Variants in KCNU1 observed in about 807,000 individuals in gnomAD.
KCNU1 encodes potassium channel subfamily U member 1.
KCNU1 carries 93 observed loss-of-function variants against 126.8 expected under a neutral mutation model. That is an observed-to-expected ratio of 0.73 (90% CI 0.62 to 0.87). KCNU1 has a LOEUF of 0.87. Ranked by LOEUF, KCNU1 falls within the 40% of genes least tolerant of loss-of-function variation. The pLI, the probability that KCNU1 is intolerant of heterozygous loss-of-function variation, is 0.00. For missense variants in KCNU1, 1,330 were observed against 1,367.1 expected (o/e 0.97, Z 0.43); for synonymous variants, 523 against 494.2 (o/e 1.06, Z -0.77).
intron 18 of KCNU1, among the ~76,000 whole-genome samples, chr8:36,859,215 A>C (rs747607412): frequency 6.6e-6 from 1 of 152,228 alleles, no homozygotes; most frequent in Non-Finnish European, 1.5e-5. Context: ...TTTAAATGTC[A>C]TGATAACATA....
intron 26 of KCNU1, among the ~76,000 whole-genome samples, chr8:36,934,235 A>G (rs964815380): frequency 1.3e-5 from 2 of 152,144 alleles, no homozygotes; most frequent in Non-Finnish European, 2.9e-5. Flanking sequence ...TCATAGCAAT[A>G]CGTCTGAATG....
chr8:36,924,652 G>T (rs1377196499), intron 24 of KCNU1, among the ~76,000 whole-genome samples: 1 of 152,176 alleles, frequency 6.6e-6, no homozygotes, highest in African/African-American at 2.4e-5. Context: ...TTCTGAGAAG[G>T]TGGCTCTGTC....
intron 18 of KCNU1, among the ~76,000 whole-genome samples, chr8:36,851,492 C>T (rs986689056): frequency 1.2e-4 from 18 of 152,016 alleles, no homozygotes; most frequent in African/African-American, 2.7e-4. Flanking sequence ...TGAGACCTCC[C>T]GAGCCATGCA....
chr8:36,830,860 A>G (rs1804515995), intron 10 of KCNU1, among the ~76,000 whole-genome samples: 1 of 148,756 alleles, frequency 6.7e-6, no homozygotes, highest in East Asian at 2.1e-4. Flanking sequence ...TGCACCCACT[A>G]ACTCGTCATC....
At chr8:36,894,602 AAC>A (rs1807108650) in intron 19 of KCNU1, among the ~76,000 whole-genome samples, 4 of 152,158 alleles carry the variant, frequency 2.6e-5, no homozygotes, top group Admixed American at 6.6e-5. Flanking sequence ...TTAATATGTT[AAC>A]ATATGTTACT....
At chr8:36,885,175 AC>A (rs1418326497) in intron 19 of KCNU1, among the ~76,000 whole-genome samples, 1 of 152,158 alleles carries the variant, frequency 6.6e-6, no homozygotes, top group Non-Finnish European at 1.5e-5. Flanking sequence ...CAGAAATCCT[AC>A]CAGGCTCTAG....
At chr8:36,795,006 G>C (rs1407794766) in intron 2 of KCNU1, among the ~76,000 whole-genome samples, 1 of 152,170 alleles carries the variant, frequency 6.6e-6, no homozygotes, top group East Asian at 1.9e-4. Flanking sequence ...GAGAAGCCTA[G>C]TTGGGCTCTA....
At chr8:36,799,056 G>A (rs1322997473) in intron 2 of KCNU1, among the ~76,000 whole-genome samples, 1 of 152,004 alleles carries the variant, frequency 6.6e-6, no homozygotes, top group Admixed American at 6.6e-5. Flanking sequence ...CAGGCACCGG[G>A]GTGCAGAAGC....
At chr8:36,823,720 G>T (rs1193756063) in intron 10 of KCNU1, among the ~76,000 whole-genome samples, 1 of 151,802 alleles carries the variant, frequency 6.6e-6, no homozygotes, top group African/African-American at 2.4e-5. Context: ...AGGAACAAAA[G>T]TTGAGTGAGA....
At chr8:36,791,149 G>A (rs971171769) in intron 2 of KCNU1, among the ~76,000 whole-genome samples, 3 of 152,084 alleles carry the variant, frequency 2.0e-5, no homozygotes, top group Non-Finnish European at 4.4e-5. Flanking sequence ...ATATGACAAG[G>A]TATTGATCAA....
chr8:36,903,272 T>C (rs1242815177), intron 19 of KCNU1, among the ~76,000 whole-genome samples: 1 of 152,176 alleles, frequency 6.6e-6, no homozygotes, highest in Non-Finnish European at 1.5e-5. Context: ...CAAAATTGCT[T>C]GTCATTATGT....
At chr8:36,927,209 C>G (rs1435999689) in intron 24 of KCNU1, among the ~76,000 whole-genome samples, 2 of 152,106 alleles carry the variant, frequency 1.3e-5, no homozygotes, top group Admixed American at 1.3e-4. Context: ...CCTTGTTAGA[C>G]CTGTGCTGGT....
At chr8:36,933,063 A>T in intron 26 of KCNU1, 31 bp downstream of exon 26, 1 of 1,294,418 alleles carries the variant, frequency 7.7e-7, no homozygotes, top group Non-Finnish European at 1.1e-6. Flanking sequence ...AGCACCATCC[A>T]CCCATTCAAG....
chr8:36,862,959 C>T (rs916631382), intron 18 of KCNU1, among the ~76,000 whole-genome samples: 1 of 152,124 alleles, frequency 6.6e-6, no homozygotes, highest in Non-Finnish European at 1.5e-5. Context: ...CCTTCCCGAG[C>T]CATTCCCCCC....
chr8:36,809,031 A>G (rs1348753805), intron 7 of KCNU1, among the ~76,000 whole-genome samples: 3 of 152,158 alleles, frequency 2.0e-5, no homozygotes, highest in African/African-American at 7.2e-5. Flanking sequence ...TTAAGGAAAG[A>G]CCTAGTAAGC....
chr8:36,837,774 A>G (rs1585437993), intron 14 of KCNU1, among the ~76,000 whole-genome samples: 1 of 152,344 alleles, frequency 6.6e-6, no homozygotes, highest in African/African-American at 2.4e-5. Flanking sequence ...AAGGTGTGCT[A>G]GCCCTTGGCT....
rs752753512 is a variant in KCNU1 at position 36,848,533 on chromosome 8, GTGGATCCATTCCACTTGGTGTGTTT to G, written c.1891+2635_1891+2659del. Among the ~76,000 whole-genome samples the G allele has an allele frequency of 7.9e-3, 1,196 of 152,218 alleles. 3 individuals carry two copies. Among genetic ancestry groups the G allele is most frequent in the Non-Finnish European group, 0.013 (882 of 68,012 alleles). On this transcript the variant is annotated intron_variant, in intron 18 of 26. Coordinates refer to ENST00000399881, the MANE Select transcript of KCNU1 (RefSeq NM_001031836.3). Reference sequence around the variant, plus strand: ...CAGTTTCCCCAGCACCATTACTGAAGTGGATCCATTCCACTTGGTGTGTTTGTGGCACTTCATTGGCCTAACGTCA... The same window carrying G: ...CAGTTTCCCCAGCACCATTACTGAAGGTGGCACTTCATTGGCCTAACGTCA...
At chr8:36,833,735 T>TA (rs1563283806) in intron 11 of KCNU1, 76 bp downstream of exon 11, 4 of 815,510 alleles carry the variant, frequency 4.9e-6, no homozygotes, top group East Asian at 5.3e-5. Context: ...TATTGCTTTT[T>TA]AAAAAAGGTA....
At chr8:36,867,761 T>C (rs1484198012) in intron 19 of KCNU1, among the ~76,000 whole-genome samples, 4 of 152,172 alleles carry the variant, frequency 2.6e-5, no homozygotes, top group Non-Finnish European at 4.4e-5. Flanking sequence ...TAATTTAACA[T>C]ATCAGAATTT....
Sources: allele counts gnomAD v4.1 joint callset (sites outside exome capture counted in the v4.1 genomes callset), GRCh38; gene constraint gnomAD v4.1.1; transcripts MANE v1.5; gene names NCBI Gene and HGNC (gene_info 2026-07-23, HGNC 2026-07-21).